The following LARGE1 variants were observed in gnomAD, a reference collection of about 807,000 sequenced individuals.
The protein encoded by LARGE1 is xylosyl- and glucuronyltransferase LARGE1.
A neutral mutation model predicts 87.6 loss-of-function variants in LARGE1; 43 were observed. The ratio of observed to expected loss-of-function variants is 0.49; its 90% CI spans 0.38 to 0.63. The LOEUF (loss-of-function observed/expected upper bound fraction) is 0.63. Ranked by LOEUF, LARGE1 falls within the 30% of genes least tolerant of loss-of-function variation. LARGE1 has a pLI of 0.00. For synonymous variants in LARGE1, 434 were observed against 394.6 expected, an observed-to-expected ratio of 1.10 and a Z score of -1.18; for missense variants, 802 against 1,000.2, an observed-to-expected ratio of 0.80 and a Z score of 2.67.
At chr22:33,168,221 A>G (rs1922377664) in intron 11 of LARGE1, among the ~76,000 whole-genome samples, 1 of 152,206 alleles carries the variant, frequency 6.6e-6, no homozygotes, top group Non-Finnish European at 1.5e-5. Context: ...ATATTTAACC[A>G]CAAGGTAGAT....
rs1239909416 is a variant in LARGE1, at chr22:33,824,412, TAAAC to T, written c.-82-62858_-82-62855del. On this transcript the variant is annotated intron_variant, in intron 1 of 14. Coordinates refer to ENST00000397394, the MANE Select transcript of LARGE1 (RefSeq NM_133642.5). ...CAAAAGGGGAAATGCTATACACTTT[TAAAC>T]AATCAGATCTTGTGAGAACTCATTC... Among the ~76,000 whole-genome samples, 9 of 152,292 alleles carry T rather than the reference TAAAC, an allele frequency of 5.9e-5. No homozygotes were observed. The East Asian group carries it at 1.7e-3, about 29-fold the overall frequency.
intron 7 of LARGE1, among the ~76,000 whole-genome samples, chr22:33,419,055 C>T (rs930134348): frequency 2.0e-5 from 3 of 152,060 alleles, no homozygotes; most frequent in Admixed American, 6.6e-5. Flanking sequence ...GTTTAATTGA[C>T]TCGCAGTTCC....
intron 11 of LARGE1, among the ~76,000 whole-genome samples, chr22:33,175,958 A>G (rs561785562): frequency 6.6e-6 from 1 of 152,324 alleles, no homozygotes; most frequent in African/African-American, 2.4e-5. Context: ...AAACAGATAC[A>G]TAGACCAATG....
intron 6 of LARGE1, among the ~76,000 whole-genome samples, chr22:33,547,793 C>CAAAAAAAA (rs57220257): frequency 2.8e-5 from 1 of 35,746 alleles, no homozygotes; most frequent in Non-Finnish European, 4.6e-5. Context: ...GACTCCATCT[C>CAAAAAAAA]AAAAAAAAAA....
intron 1 of LARGE1, among the ~76,000 whole-genome samples, chr22:33,866,459 G>A (rs941772028): frequency 2.0e-5 from 3 of 152,208 alleles, no homozygotes; most frequent in Non-Finnish European, 4.4e-5. Flanking sequence ...CAGATGGAGA[G>A]CAGTTCCATC....
At chr22:33,319,714 G>C (rs1287456771) in intron 10 of LARGE1, among the ~76,000 whole-genome samples, 1 of 152,040 alleles carries the variant, frequency 6.6e-6, no homozygotes, top group Non-Finnish European at 1.5e-5. Context: ...CTTCTTGAAG[G>C]CCACTGAGAT....
chr22:33,919,607 G>T (rs974180475), intron 1 of LARGE1, among the ~76,000 whole-genome samples: 2 of 152,252 alleles, frequency 1.3e-5, no homozygotes, highest in South Asian at 2.1e-4. Flanking sequence ...CACCACGAAA[G>T]GTAGTTGCGT....
At chr22:33,409,666 C>T (rs1056968560) in intron 7 of LARGE1, among the ~76,000 whole-genome samples, 12 of 151,920 alleles carry the variant, frequency 7.9e-5, no homozygotes, top group Non-Finnish European at 1.8e-4. Context: ...TTGAGACTAT[C>T]CTGGCTAACA....
chr22:33,215,785 G>A (rs184953563), intron 11 of LARGE1, among the ~76,000 whole-genome samples: 4 of 152,108 alleles, frequency 2.6e-5, no homozygotes, highest in African/African-American at 9.7e-5. Context: ...TCGAAATCCC[G>A]TCTCTACTAA....
intron 1 of LARGE1, chr22:33,872,976 G>A (rs2064343234): frequency 6.6e-6 from 1 of 151,076 alleles, no homozygotes; most frequent in South Asian, 2.1e-4. Context: ...CTCCAGCTTG[G>A]GTGCCAAGAG....
intron 3 of LARGE1, among the ~76,000 whole-genome samples, chr22:33,642,312 C>T (rs1488922194): frequency 4.6e-5 from 7 of 152,094 alleles, no homozygotes; most frequent in Non-Finnish European, 8.8e-5. Flanking sequence ...AAATAAAATC[C>T]TTTACAGACA....
intron 1 of LARGE1, among the ~76,000 whole-genome samples, chr22:33,803,759 G>A (rs1293049199): frequency 1.3e-5 from 2 of 152,194 alleles, no homozygotes; most frequent in African/African-American, 4.8e-5. Context: ...ACATGTTTAC[G>A]AGGGAAGCTC....
intron 9 of LARGE1, among the ~76,000 whole-genome samples, chr22:33,370,369 C>T (rs8140012): frequency 0.16 from 23,757 of 152,076 alleles, 2,321 homozygotes; most frequent in South Asian, 0.34. Flanking sequence ...TTATACAATT[C>T]GTCACTCCCA....
At chr22:33,740,450 GT>G (rs781283618) in intron 2 of LARGE1, among the ~76,000 whole-genome samples, 2 of 151,878 alleles carry the variant, frequency 1.3e-5, no homozygotes, top group Non-Finnish European at 2.9e-5. Flanking sequence ...TCATCTCCTG[GT>G]TTCCTCCGAG....
At chr22:33,168,457 A>G (rs1015740) in intron 11 of LARGE1, among the ~76,000 whole-genome samples, 104,796 of 152,128 alleles carry the variant, frequency 0.69, 37,617 homozygotes, top group African/African-American at 0.9. Context: ...TTTCAGTACC[A>G]GAAGTCAAAT....
intron 1 of LARGE1, among the ~76,000 whole-genome samples, chr22:33,888,846 G>T (rs2064930322): frequency 6.6e-6 from 1 of 152,180 alleles, no homozygotes; most frequent in Non-Finnish European, 1.5e-5. Flanking sequence ...AACAGGGCAA[G>T]ACTCTGTCTC....
chr22:33,683,076 G>C (rs902532710), intron 2 of LARGE1, among the ~76,000 whole-genome samples: 5 of 152,238 alleles, frequency 3.3e-5, no homozygotes, highest in African/African-American at 1.2e-4. Context: ...AACACCATAA[G>C]ATATACGATG....
intron 9 of LARGE1, among the ~76,000 whole-genome samples, chr22:33,369,325 T>C (rs1032771901): frequency 6.6e-6 from 1 of 152,182 alleles, no homozygotes; most frequent in African/African-American, 2.4e-5. Context: ...AGAATGGGAT[T>C]CTCCCACATG....
intron 11 of LARGE1, among the ~76,000 whole-genome samples, chr22:33,211,189 C>T (rs988093528): frequency 6.6e-6 from 1 of 152,170 alleles, no homozygotes; most frequent in Admixed American, 6.5e-5. Context: ...AGAACTTAAT[C>T]TATAAATGTT....
Sources: allele counts gnomAD v4.1 joint callset (sites outside exome capture counted in the v4.1 genomes callset), GRCh38; gene constraint gnomAD v4.1.1; transcripts MANE v1.5; gene names NCBI Gene and HGNC (gene_info 2026-07-23, HGNC 2026-07-21).